NR3C2: variants seen among roughly 807,000 people sequenced by gnomAD.
NR3C2 encodes nuclear receptor subfamily 3 group C member 2, also known as mineralocorticoid receptor.
NR3C2 carries 15 observed loss-of-function variants against 86.4 expected under a neutral mutation model. That is an observed-to-expected ratio of 0.17 (90% CI 0.12 to 0.27). NR3C2 has a LOEUF of 0.27. Ranked by LOEUF, NR3C2 falls within the 10% of genes least tolerant of loss-of-function variation. The pLI, the probability that NR3C2 is intolerant of heterozygous loss-of-function variation, is 1.00. For synonymous variants in NR3C2, 458 were observed against 450.5 expected, an observed-to-expected ratio of 1.02 and a Z score of -0.21; for missense variants, 960 against 1,195.6, an observed-to-expected ratio of 0.80 and a Z score of 2.91.
At chr4:148,376,471 T>C (rs893230796) in intron 2 of NR3C2, among the ~76,000 whole-genome samples, 1 of 152,194 alleles carries the variant, frequency 6.6e-6, no homozygotes, top group Admixed American at 6.5e-5. Flanking sequence ...AATAGACCCT[T>C]TCCTTTTTAC....
At chr4:148,212,610 T>C (rs1737336717) in intron 3 of NR3C2, among the ~76,000 whole-genome samples, 1 of 152,224 alleles carries the variant, frequency 6.6e-6, no homozygotes, top group Admixed American at 6.5e-5. Flanking sequence ...TGTATCACCA[T>C]ATAACAAGGC....
At chr4:148,377,669 G>A (rs763167394) in intron 2 of NR3C2, among the ~76,000 whole-genome samples, 2 of 152,204 alleles carry the variant, frequency 1.3e-5, no homozygotes, top group Non-Finnish European at 2.9e-5. Flanking sequence ...GTAAAGAGTA[G>A]ATAAACTCTT....
chr4:148,325,509 A>T (rs1466400563), intron 2 of NR3C2, among the ~76,000 whole-genome samples: 1 of 130,902 alleles, frequency 7.6e-6, no homozygotes, highest in Non-Finnish European at 1.6e-5. Context: ...GCATGAAGTT[A>T]TGACATTACA....
intron 2 of NR3C2, among the ~76,000 whole-genome samples, chr4:148,400,670 T>C (rs1261632172): frequency 2.0e-5 from 3 of 150,594 alleles, no homozygotes; most frequent in Non-Finnish European, 4.4e-5. Context: ...TCCCAGCTAC[T>C]CGGGAGAATA....
At chr4:148,318,529 C>T (rs1033134239) in intron 2 of NR3C2, among the ~76,000 whole-genome samples, 42 of 151,198 alleles carry the variant, frequency 2.8e-4, no homozygotes, top group South Asian at 6.4e-4. Context: ...ACATCCTCTC[C>T]AGCACCTGTT....
At chr4:148,098,894 A>G (rs1731414243) in intron 8 of NR3C2, among the ~76,000 whole-genome samples, 1 of 152,038 alleles carries the variant, frequency 6.6e-6, no homozygotes, top group Non-Finnish European at 1.5e-5. Context: ...AGAGTGTCTC[A>G]CTCCTTATGA....
intron 2 of NR3C2, among the ~76,000 whole-genome samples, chr4:148,433,164 C>T (rs541830776): frequency 6.6e-6 from 1 of 152,196 alleles, no homozygotes; most frequent in East Asian, 1.9e-4. Context: ...AGGAGGGCTT[C>T]TTGAGTGGAG....
intron 8 of NR3C2, among the ~76,000 whole-genome samples, chr4:148,104,229 C>T (rs557604801): frequency 4.4e-4 from 67 of 152,076 alleles, no homozygotes; most frequent in African/African-American, 1.3e-3. Flanking sequence ...ACCCACTAGG[C>T]AATGAGTAAG....
intron 2 of NR3C2, among the ~76,000 whole-genome samples, chr4:148,312,420 T>C (rs1742946408): frequency 6.6e-6 from 1 of 152,176 alleles, no homozygotes; most frequent in Admixed American, 6.5e-5. Flanking sequence ...AATCAGCAAA[T>C]GCTAAAAATC....
chr4:148,117,314 C>T (rs6813167), intron 7 of NR3C2, among the ~76,000 whole-genome samples: 74,513 of 152,040 alleles, frequency 0.49, 18,807 homozygotes, highest in East Asian at 0.71. Flanking sequence ...GCCCCACCTC[C>T]CTACCAGGAC....
chr4:148,194,895 T>C, intron 3 of NR3C2, 33 bp from the exon 4 acceptor site: 6 of 1,374,552 alleles, frequency 4.4e-6, no homozygotes, highest in Non-Finnish European at 6.2e-6. Context: ...ACTGTTAAAA[T>C]AGAGTACACT....
chr4:148,149,043 T>C (rs1733992268), intron 6 of NR3C2, among the ~76,000 whole-genome samples: 1 of 152,202 alleles, frequency 6.6e-6, no homozygotes, highest in Admixed American at 6.5e-5. Context: ...CTCTTTTTGA[T>C]GCAATTTGAC....
chr4:148,426,943 T>C (rs1362315102), intron 2 of NR3C2, among the ~76,000 whole-genome samples: 1 of 151,804 alleles, frequency 6.6e-6, no homozygotes, highest in African/African-American at 2.4e-5. Flanking sequence ...ATTGACCTCT[T>C]CATTTCTTTT....
chr4:148,104,170 C>G (rs1288283438), intron 8 of NR3C2, among the ~76,000 whole-genome samples: 1 of 152,098 alleles, frequency 6.6e-6, no homozygotes, highest in Admixed American at 6.6e-5. Flanking sequence ...ACTGTAAGCC[C>G]TTAGTAATCA....
At chr4:148,165,966 C>G (rs1734859636) in intron 4 of NR3C2, among the ~76,000 whole-genome samples, 1 of 152,108 alleles carries the variant, frequency 6.6e-6, no homozygotes, top group South Asian at 2.1e-4. Flanking sequence ...AGTTGGAGGG[C>G]AAAATTAAAT....
rs78518389 is a variant in NR3C2 at position 148,390,360 on chromosome 4, G to A, written c.1757+44744C>T. Among the ~76,000 whole-genome samples, 1,054 of 152,218 alleles carry A rather than the reference G, an allele frequency of 6.9e-3. 6 individuals carry two copies. Among genetic ancestry groups the A allele is most frequent in the Non-Finnish European group, 0.012 (835 of 68,022 alleles). ...TTTCCAAACAGAAAAGTATCTTGGG[G>A]TGGAGTTATAATATTCTCAGGTGAA... On this transcript the variant is annotated intron_variant, in intron 2 of 8. Transcript: ENST00000358102.
chr4:148,167,778 A>C (rs1734944601), intron 4 of NR3C2, among the ~76,000 whole-genome samples: 1 of 152,248 alleles, frequency 6.6e-6, no homozygotes, highest in Non-Finnish European at 1.5e-5. Context: ...TAACACTGTT[A>C]AGCGAAATGG....
At chr4:148,290,792 T>C (rs1269113871) in intron 2 of NR3C2, among the ~76,000 whole-genome samples, 1 of 152,180 alleles carries the variant, frequency 6.6e-6, no homozygotes, top group Non-Finnish European at 1.5e-5. Context: ...TAGTCTATCA[T>C]CACTTCTGAT....
At chr4:148,294,533 C>T (rs917968722) in intron 2 of NR3C2, among the ~76,000 whole-genome samples, 1 of 144,480 alleles carries the variant, frequency 6.9e-6, no homozygotes, top group African/African-American at 2.5e-5. Context: ...TTACCTACTC[C>T]CTCACAAAAC....
Sources: allele counts gnomAD v4.1 joint callset (sites outside exome capture counted in the v4.1 genomes callset), GRCh38; gene constraint gnomAD v4.1.1; transcripts MANE v1.5; gene names NCBI Gene and HGNC (gene_info 2026-07-23, HGNC 2026-07-21).